SMG1: variants seen among roughly 807,000 people sequenced by gnomAD.
The protein encoded by SMG1 is serine/threonine-protein kinase SMG1.
A neutral mutation model predicts 419.9 loss-of-function variants in SMG1; 22 were observed. That is an observed-to-expected ratio of 0.05 (90% CI 0.04 to 0.07). The LOEUF (loss-of-function observed/expected upper bound fraction) is 0.07. Among genes scored for constraint, SMG1 ranks in the 10% least tolerant of loss-of-function variants. SMG1 has a pLI of 1.00. For missense variants in SMG1, 3,185 were observed against 4,342.0 expected (o/e 0.73, Z 7.49); for synonymous variants, 1,538 against 1,553.5 (o/e 0.99, Z 0.23).
chr16:18,907,795 T>C (rs2037624253), intron 1 of SMG1, among the ~76,000 whole-genome samples: 1 of 126,882 alleles, frequency 7.9e-6, no homozygotes, highest in South Asian at 2.5e-4. Context: ...GAGGTTGTAG[T>C]GAGCCAAGAT....
At position 18,816,292 on chromosome 16, in the gene SMG1, T is replaced by A; in HGVS notation, c.10302+10A>T. On this transcript the variant is annotated intron_variant, in intron 58 of 62. Coordinates refer to ENST00000446231, the MANE Select transcript of SMG1 (RefSeq NM_015092.5). Reference sequence around the variant, plus strand: ...GGAGAGTAAATGTGTGTTCATGGTATTAGTCTTACCTTAGCCATAGCTTTC... The same window carrying A: ...GGAGAGTAAATGTGTGTTCATGGTAATAGTCTTACCTTAGCCATAGCTTTC... The A allele has an allele frequency of 3.1e-6, 5 of 1,605,138 alleles. No individual in the cohort carries two copies. The highest frequency in any genetic ancestry group is 3.4e-6 in the Non-Finnish European group (4 of 1,172,636).
At chr16:18,814,855 G>C (rs2141099734) in intron 60 of SMG1, among the ~76,000 whole-genome samples, 1 of 149,328 alleles carries the variant, frequency 6.7e-6, no homozygotes, top group South Asian at 2.1e-4. Flanking sequence ...TGGGATTATG[G>C]GTGTGAGCCA....
rs756418674 is a variant in SMG1 at position 18,849,364 on chromosome 16, G to C, written c.5476C>G (p.Leu1826Val). The C allele has an allele frequency of 7.4e-6, 12 of 1,611,058 alleles. No individual in the cohort carries two copies. The African/African-American group carries it at 1.3e-4, about 18-fold the overall frequency. The change falls in exon 36 of 63, where the codon CTT (leucine) becomes GTT (valine). Residue 1826 changes from leucine (L) to valine (V), a missense_variant. By Grantham distance (32) the Leu-to-Val change is conservative. Coordinates refer to ENST00000446231, the MANE Select transcript of SMG1 (RefSeq NM_015092.5). ...TCAGGGTGGTTTAAGCGTGAGAAAA[G>C]TTGCGGAATAATTCCTTCAGGACAA... ...TAPWRGIIPQLFSRLNHPEVY... is the reference protein window; with the variant it reads ...TAPWRGIIPQVFSRLNHPEVY...
chr16:18,853,538 A>AT, intron 31 of SMG1, 45 bp downstream of exon 31: 2 of 1,432,976 alleles, frequency 1.4e-6, no homozygotes, highest in Non-Finnish European at 1.8e-6. Context: ...AGAAAAAAAT[A>AT]TAGCTTCTAA....
chr16:18,817,194 T>A (rs1055632386), intron 57 of SMG1, 97 bp downstream of exon 57: 5 of 1,040,782 alleles, frequency 4.8e-6, no homozygotes, highest in Middle Eastern at 5.1e-4. Flanking sequence ...ACATACAGTA[T>A]ATGCTCAACG....
chr16:18,851,051 A>T (rs149113233), intron 33 of SMG1, among the ~76,000 whole-genome samples: 1 of 152,292 alleles, frequency 6.6e-6, no homozygotes, highest in African/African-American at 2.4e-5. Flanking sequence ...CACCGCACCC[A>T]GCCTATGCCT....
chr16:18,813,433 T>C (rs1448388543), intron 60 of SMG1, among the ~76,000 whole-genome samples: 1 of 152,258 alleles, frequency 6.6e-6, no homozygotes, highest in Non-Finnish European at 1.5e-5. Flanking sequence ...ATGATGAGCA[T>C]TTTTTCATGT....
chr16:18,861,027 C>G (rs2035189455), intron 25 of SMG1: 1 of 382,068 alleles, frequency 2.6e-6, no homozygotes, highest in Non-Finnish European at 4.8e-6. Context: ...GCTGACTCGC[C>G]CCTGTGTCTC....
intron 3 of SMG1, among the ~76,000 whole-genome samples, chr16:18,894,056 CATAAATAA>C (rs5816014): frequency 0.3 from 43,324 of 144,438 alleles, 7,187 homozygotes; most frequent in Non-Finnish European, 0.37. Context: ...TACTCCATCT[CATAAATAA>C]ATAAATAAAT....
intron 48 of SMG1, 145 bp from the exon 49 acceptor site, chr16:18,835,309 C>T: frequency 1.1e-6 from 1 of 903,428 alleles, no homozygotes; most frequent in South Asian, 1.8e-5. Flanking sequence ...AGAGCTTAAG[C>T]AATTTCCTAA....
Position 18,868,336 on chromosome 16 carries a change from A to G in SMG1, c.3049T>C (p.Tyr1017His). The G allele has an allele frequency of 2.8e-6, 4 of 1,441,916 alleles. No homozygotes were observed. Among genetic ancestry groups the G allele is most frequent in the Non-Finnish European group, 3.8e-6 (4 of 1,062,722 alleles). 89.3% of individuals were successfully genotyped at this position (1,441,916 alleles called of 1,614,324 possible). A position where few individuals can be genotyped will look rare whatever the true frequency, so the allele number is the denominator to read the frequency against. Residue 1017 changes from tyrosine to histidine, a missense_variant, in exon 22 of 63, where the codon TAT becomes CAT. Tyr to His is a moderately conservative substitution (Grantham distance 83, BLOSUM62 2). Around this residue, in one of 27 missense-constraint regions of SMG1, gnomAD observed 70 missense variants for 185.7 expected, o/e 0.38. Coordinates refer to ENST00000446231, the MANE Select transcript of SMG1 (RefSeq NM_015092.5). ...SPPKVIRTFF[Y>H]TNRQTCQDWL... ...TCCTGACAAGTTTGGCGATTGGTAT[A>G]GAAAAAAGTTCTAATGACCTTTACG...
At chr16:18,814,040 AAAAAAATTAAATTAAATT>A (rs2031736581) in intron 60 of SMG1, among the ~76,000 whole-genome samples, 1 of 148,420 alleles carries the variant, frequency 6.7e-6, no homozygotes. Context: ...AAAAAAAAAA[AAAAAAATTAAATTAAATT>A]AAAAAAAAAT....
chr16:18,892,149 C>T (rs2036913076), intron 4 of SMG1, 69 bp downstream of exon 4: 1 of 1,012,064 alleles, frequency 9.9e-7, no homozygotes, highest in Non-Finnish European at 1.5e-6. Flanking sequence ...TTAAACTACT[C>T]AAGGTAGCAT....
At chr16:18,860,162 G>T (rs1283854443) in intron 26 of SMG1, among the ~76,000 whole-genome samples, 2 of 152,210 alleles carry the variant, frequency 1.3e-5, no homozygotes, top group Non-Finnish European at 2.9e-5. Flanking sequence ...AGGCTGCAGT[G>T]AGCCGAGATT....
chr16:18,858,403 A>C, intron 28 of SMG1, 113 bp from the exon 29 acceptor site: 1 of 862,260 alleles, frequency 1.2e-6, no homozygotes. Context: ...CTTCAGATTG[A>C]TTGCAGTAGT....
rs1237357650 is a variant in SMG1 at position 18,894,976 on chromosome 16, C to T, written c.412+1076G>A. On this transcript the variant is annotated intron_variant, in intron 3 of 62. Transcript: ENST00000446231. Reference sequence around the variant, plus strand: ...GGGGCTACAGGCGCCCACCACCGCACCCGGCTAATTTTTTGTATTTTCAGT... The same window carrying T: ...GGGGCTACAGGCGCCCACCACCGCATCCGGCTAATTTTTTGTATTTTCAGT... Among the ~76,000 whole-genome samples the T allele has an allele frequency of 2.6e-5, 4 of 152,152 alleles. No homozygotes were observed. In the South Asian group the frequency reaches 6.2e-4, roughly 24 times the overall value.
At chr16:18,832,376 A>G (rs1450076274) in intron 51 of SMG1, among the ~76,000 whole-genome samples, 1 of 152,176 alleles carries the variant, frequency 6.6e-6, no homozygotes, top group African/African-American at 2.4e-5. Flanking sequence ...CAATTAGCTA[A>G]AACAAACTTA....
In SMG1 at chr16:18,815,565, T is replaced by C; in HGVS notation, c.10389A>G (p.Gln3463=). The C allele has an allele frequency of 6.2e-7, 1 of 1,614,040 alleles. No individual in the cohort carries two copies. The highest frequency in any genetic ancestry group is 8.5e-7 in the Non-Finnish European group (1 of 1,179,888). ...RQFLGEYKSW[Q]DNIQTVLFTL... ...TAAATAGAACTGTTTGAATGTTGTC[T>C]TGCCATGATTTATATTCACCCAAAA... The change falls in exon 59 of 63, where the codon CAA becomes CAG. Residue 3463 remains glutamine, a synonymous_variant. Coordinates refer to ENST00000446231, the MANE Select transcript of SMG1 (RefSeq NM_015092.5).
At chr16:18,855,682 T>C (rs951253689) in intron 29 of SMG1, among the ~76,000 whole-genome samples, 4 of 152,162 alleles carry the variant, frequency 2.6e-5, no homozygotes, top group South Asian at 2.1e-4. Context: ...TCAACCCTCA[T>C]GGCCCATTTG....
Sources: gnomAD v4.1 joint callset for allele counts (sites outside exome capture counted in the v4.1 genomes callset) on GRCh38, gnomAD v4.1.1 for gene constraint, gnomAD v4.1.1 regional missense constraint, MANE v1.5 for transcripts, NCBI Gene and HGNC (gene_info 2026-07-23, HGNC 2026-07-21) for gene names.